FGF13: variants seen among roughly 807,000 people sequenced by gnomAD.
FGF13 encodes the protein fibroblast growth factor 13.
Under a neutral mutation model 19.5 loss-of-function variants are expected in FGF13, and 2 were observed. The observed-to-expected ratio is 0.10, with a 90% CI of 0.04 to 0.32. FGF13 has a LOEUF of 0.32. FGF13 is among the 10% of genes least tolerant of loss of function. The pLI is 1.00. For missense variants in FGF13, 113 were observed against 192.7 expected, an observed-to-expected ratio of 0.59 and a Z score of 2.45; for synonymous variants, 72 against 76.9, an observed-to-expected ratio of 0.94 and a Z score of 0.33.
Position 138,624,960 on chromosome X carries a change from A to T in FGF13, c.*7890T>A. On this transcript the variant is annotated 3_prime_UTR_variant, in exon 5 of 5. Coordinates refer to ENST00000315930, the MANE Select transcript of FGF13 (RefSeq NM_004114.5). Reference sequence around the variant, plus strand: ...CATAAGGGGTTAATATCCAAAATATATAAGGAACTCATACAAGTCAATAGC... The same window carrying T: ...CATAAGGGGTTAATATCCAAAATATTTAAGGAACTCATACAAGTCAATAGC... 8.9e-6 allele frequency: 1 copy of T among 112,170 alleles called. No homozygotes were observed. The highest frequency in any genetic ancestry group is 1.9e-5 in the Non-Finnish European group (1 of 53,280). 9.2% of individuals were successfully genotyped at this position (112,170 alleles called of 1,213,427 possible).
intron 1 of FGF13, among the ~76,000 whole-genome samples, chrX:139,160,676 C>A (rs2084023366): frequency 8.9e-6 from 1 of 111,944 alleles, no homozygotes; most frequent in Admixed American, 9.5e-5. Flanking sequence ...CACCACTGAT[C>A]CCACAGAAAC....
At chrX:139,094,438 C>G (rs1414864407) in intron 1 of FGF13, among the ~76,000 whole-genome samples, 1 of 111,723 alleles carries the variant, frequency 9.0e-6, no homozygotes, top group East Asian at 2.9e-4. Flanking sequence ...TGAGGTTCAG[C>G]ACACTTAGGA....
At chrX:139,140,768 T>C (rs1238067565) in intron 1 of FGF13, among the ~76,000 whole-genome samples, 1 of 110,770 alleles carries the variant, frequency 9.0e-6, no homozygotes, top group Admixed American at 9.7e-5. Context: ...ACATGAAAAC[T>C]AAAATCCTTA....
intron 1 of FGF13, among the ~76,000 whole-genome samples, chrX:139,065,923 T>A (rs968996623): frequency 9.0e-6 from 1 of 111,336 alleles, no homozygotes; most frequent in Non-Finnish European, 1.9e-5. Context: ...TAATTGGAAG[T>A]AAAACACTCC....
At chrX:138,847,593 A>G (rs2083348716) in intron 3 of FGF13, among the ~76,000 whole-genome samples, 1 of 111,881 alleles carries the variant, frequency 8.9e-6, no homozygotes, top group Non-Finnish European at 1.9e-5. Context: ...TGCAGAATAT[A>G]ATGTCTCTTG....
chrX:139,051,298 C>T lies in FGF13; in HGVS notation c.-113+152118G>A, dbSNP rs141826367. On this transcript the variant is annotated intron_variant, in intron 1 of 2. Coordinates refer to the FGF13 transcript ENST00000421460. ...GATAAGTTACAGAATGTCACAAACACCTACTTTGGTTATCCAGATATCACA... is the reference window on the plus strand; with the variant it reads ...GATAAGTTACAGAATGTCACAAACATCTACTTTGGTTATCCAGATATCACA... 4.4e-3 allele frequency among the ~76,000 whole-genome samples: 488 copies of T among 111,924 alleles called. 2 individuals are homozygous for T. Among genetic ancestry groups the T allele is most frequent in the Non-Finnish European group, 6.7e-3 (358 of 53,112 alleles).
In FGF13 at chrX:138,620,038, T is replaced by C. The variant is rs2089002101; in HGVS notation, c.*12812A>G. ...ACGCATATGTTCACTGCAGCACTGT[T>C]CAAAAGAGCAAAGATGTGGAATCAA... On this transcript the variant is annotated 3_prime_UTR_variant, in exon 5 of 5. Transcript: ENST00000315930. 1 of 111,728 alleles carries C rather than the reference T, an allele frequency of 9.0e-6. No individual in the cohort carries two copies. The highest frequency in any genetic ancestry group is 3.3e-5 in the African/African-American group (1 of 30,688). The allele number at this position is 111,728 out of a possible 1,213,427, so 9.2% of individuals were successfully genotyped here.
intron 1 of FGF13, among the ~76,000 whole-genome samples, chrX:139,014,783 A>G (rs922362404): frequency 4.5e-5 from 5 of 111,650 alleles, no homozygotes; most frequent in African/African-American, 1.6e-4. Context: ...ACTATAGGCC[A>G]CTATTGCTGA....
chrX:139,017,252 G>C (rs1159378059), intron 1 of FGF13, among the ~76,000 whole-genome samples: 2 of 108,131 alleles, frequency 1.8e-5, no homozygotes, highest in Non-Finnish European at 3.8e-5. Context: ...TGAAAGTCCA[G>C]AATAAATCTA....
chrX:139,041,506 C>A (rs2092270045), intron 1 of FGF13, among the ~76,000 whole-genome samples: 1 of 111,296 alleles, frequency 9.0e-6, no homozygotes. Flanking sequence ...AGGATGGACT[C>A]CTCCTATTGA....
chrX:138,963,187 T>G (rs985633455), intron 1 of FGF13, among the ~76,000 whole-genome samples: 4 of 112,719 alleles, frequency 3.5e-5, no homozygotes, highest in Non-Finnish European at 7.5e-5. Context: ...AAAACCCTTA[T>G]CTAACTTCTT....
chrX:138,800,421 T>C (rs1171899812), intron 3 of FGF13, among the ~76,000 whole-genome samples: 5 of 112,006 alleles, frequency 4.5e-5, no homozygotes, highest in African/African-American at 1.6e-4. Flanking sequence ...TTCTGGCTTG[T>C]AGGGTTTCTG....
rs755877319 is a variant in FGF13, at chrX:138,665,832, CA to C, written c.403-30178del. On this transcript the variant is annotated intron_variant, in intron 3 of 4. Transcript: ENST00000315930. ...AGAGCACAAGGATAAGACAGGGCAG[CA>C]AAAGGTGCTATTTTAAAGTAAAAAA... Among the ~76,000 whole-genome samples the C allele has an allele frequency of 4.6e-5, 5 of 109,666 alleles. No homozygotes were observed. In the South Asian group the frequency reaches 1.9e-3, roughly 43 times the overall value.
chrX:139,134,245 A>T (rs1284116402), intron 1 of FGF13, among the ~76,000 whole-genome samples: 1 of 111,520 alleles, frequency 9.0e-6, no homozygotes, highest in Non-Finnish European at 1.9e-5. Context: ...CCCATTCCTC[A>T]ATACAGCTCA....
At chrX:138,940,422 C>T (rs1051344325) in intron 1 of FGF13, among the ~76,000 whole-genome samples, 2 of 111,889 alleles carry the variant, frequency 1.8e-5, no homozygotes, top group Non-Finnish European at 3.8e-5. Context: ...TGTGCAGAAG[C>T]TCTTTAGTTT....
At chrX:139,050,418 T>G (rs937830672) in intron 1 of FGF13, among the ~76,000 whole-genome samples, 1 of 111,891 alleles carries the variant, frequency 8.9e-6, no homozygotes, top group South Asian at 3.7e-4. Flanking sequence ...AATCAGGAGG[T>G]GCTCTGTCTG....
chrX:138,932,085 T>A (rs1189027584), intron 1 of FGF13, among the ~76,000 whole-genome samples: 7 of 110,934 alleles, frequency 6.3e-5, no homozygotes, highest in Non-Finnish European at 7.5e-5. Context: ...GCATCTTTTT[T>A]AAAAAGAGTT....
intron 1 of FGF13, among the ~76,000 whole-genome samples, chrX:138,952,873 A>G (rs952401999): frequency 1.8e-5 from 2 of 110,752 alleles, no homozygotes; most frequent in Non-Finnish European, 3.8e-5. Flanking sequence ...CAAAACCACA[A>G]TGAGATACCA....
intron 1 of FGF13, among the ~76,000 whole-genome samples, chrX:138,975,946 T>C (rs911712498): frequency 5.4e-5 from 6 of 111,023 alleles, no homozygotes; most frequent in African/African-American, 2.0e-4. Context: ...CTTGAGGGAG[T>C]TGCCTAAGAC....
Sources: allele counts gnomAD v4.1 joint callset (sites outside exome capture counted in the v4.1 genomes callset), GRCh38; gene constraint gnomAD v4.1.1; transcripts MANE v1.5; gene names NCBI Gene and HGNC (gene_info 2026-07-23, HGNC 2026-07-21).